The following MNX1 variants were observed in gnomAD, a reference collection of about 807,000 sequenced individuals.
MNX1 encodes motor neuron and pancreas homeobox 1.
In MNX1, 2 loss-of-function variants were observed where a neutral mutation model predicts 17.3. The observed-to-expected ratio is 0.12, with a 90% CI of 0.05 to 0.36. MNX1 has a LOEUF of 0.36. Among genes scored for constraint, MNX1 ranks in the 10% least tolerant of loss-of-function variants. The probability of loss-of-function intolerance (pLI) is 1.00; values close to 1 mark genes in which losing one functional copy is unlikely to be tolerated. For synonymous variants in MNX1, 306 were observed against 283.1 expected (o/e 1.08, Z -0.81); for missense variants, 556 against 564.7 (o/e 0.98, Z 0.16).
rs1450343979 is a variant in MNX1, at chr7:157,006,784, C to T, written c.692-145G>A. 2.5e-6 allele frequency: 2 copies of T among 802,002 alleles called. No homozygotes were observed. The highest frequency in any genetic ancestry group is 1.8e-5 in the African/African-American group (1 of 56,972). 49.7% of individuals were successfully genotyped at this position (802,002 alleles called of 1,614,324 possible). On this transcript the variant is annotated intron_variant, in intron 1 of 2. Transcript: ENST00000252971. The surrounding 1 kb of genome is among the most constrained non-coding windows in gnomAD (Gnocchi z 6.3). ...CGGGGCTGTTCCCTCACTATCAGTG[C>T]CCACTCCCCAAGGAATGCGGACTCA...
rs1805698716 is a variant in MNX1, at chr7:157,010,620, C to A, written c.-270G>T. On this transcript the variant is annotated 5_prime_UTR_variant, in exon 1 of 3. Transcript: ENST00000252971. ...GGGCCCGGGAGCCCGGTTCTTTGCG[C>A]TGCAGCCCTCAGGCGACCGCGCGGA... The A allele has an allele frequency of 1.1e-5, 3 of 263,310 alleles. No individual in the cohort carries two copies. The South Asian group carries it at 4.0e-4, about 35-fold the overall frequency. The allele number at this position is 263,310 out of a possible 1,614,324, so 16.3% of individuals were successfully genotyped here.
Position 157,006,466 on chromosome 7 carries a change from G to A in MNX1, c.852+13C>T. 6.2e-7 allele frequency: 1 copy of A among 1,607,932 alleles called. No homozygotes were observed. The highest frequency in any genetic ancestry group is 8.5e-7 in the Non-Finnish European group (1 of 1,178,456). On this transcript the variant is annotated intron_variant, in intron 2 of 2. Coordinates refer to ENST00000252971, the MANE Select transcript of MNX1 (RefSeq NM_005515.4). The surrounding 1 kb of genome is among the most constrained non-coding windows in gnomAD (Gnocchi z 6.3). Reference sequence around the variant, plus strand: ...GGAGGCCGGGATGCGTCGGGGGCGGGGAGGGCGCGCACCTGGGTCTCGGTG... The same window carrying A: ...GGAGGCCGGGATGCGTCGGGGGCGGAGAGGGCGCGCACCTGGGTCTCGGTG...
At chr7:157,009,492 G>C in intron 1 of MNX1, 168 bp downstream of exon 1, 1 of 1,439,318 alleles carries the variant, frequency 6.9e-7, no homozygotes, top group Admixed American at 2.8e-5. Flanking sequence ...CCCGTCTCAT[G>C]CCTGGGGGTC....
rs373662349 is a variant in MNX1, at chr7:157,006,853, A to ATTTTTTTTTTTTTTTTTTTTTT, written c.692-215_692-214insAAAAAAAAAAAAAAAAAAAAAA. ...GGATAGTTTGGAGTTAATGAGACCA[A>ATTTTTTTTTTTTTTTTTTTTTT]TTTTTTTTTTTTTTTTTGTCTAGGA... On this transcript the variant is annotated intron_variant, in intron 1 of 2. Transcript: ENST00000252971. This position sits in a 1 kb window ranked among gnomAD's most constrained non-coding sequence, Gnocchi z 6.3. The ATTTTTTTTTTTTTTTTTTTTTT allele has an allele frequency of 1.9e-5, 5 of 260,074 alleles. No individual in the cohort carries two copies. The highest frequency in any genetic ancestry group is 7.6e-5 in the African/African-American group (2 of 26,482). 16.1% of individuals were successfully genotyped at this position (260,074 alleles called of 1,614,324 possible).
chr7:157,005,871 C>T lies in MNX1; in HGVS notation c.855G>A (p.Val285=). 5 of 1,611,400 alleles carry T rather than the reference C, an allele frequency of 3.1e-6. No homozygotes were observed. In the South Asian group the frequency reaches 5.5e-5, roughly 18 times the overall value. Residue 285 remains valine (V), a splice_region_variant and synonymous_variant, in exon 3 of 3, where the codon GTG becomes GTA. Transcript: ENST00000252971. ...TCCGCCGGTTCTGGAACCAAATCTTCACCTGCGGGCACAAGCGGGCGTGAG... is the reference window on the plus strand; with the variant it reads ...TCCGCCGGTTCTGGAACCAAATCTTTACCTGCGGGCACAAGCGGGCGTGAG... The part of the protein sequence containing the change: ...ATSLMLTETQ[V]KIWFQNRRMK...
In MNX1 at chr7:157,006,277, G is replaced by A; in HGVS notation, c.852+202C>T. ...GATCACCTTCTTCAGAATGAAAGGA[G>A]GGGTGGTTAAGTGCTGATTCTTGGG... On this transcript the variant is annotated intron_variant, in intron 2 of 2. Transcript: ENST00000252971. The surrounding 1 kb of genome is among the most constrained non-coding windows in gnomAD (Gnocchi z 6.3). 2 of 605,546 alleles carry A rather than the reference G, an allele frequency of 3.3e-6. No homozygotes were observed. Among genetic ancestry groups the A allele is most frequent in the Non-Finnish European group, 5.8e-6 (2 of 344,920 alleles). 37.5% of individuals were successfully genotyped at this position (605,546 alleles called of 1,614,324 possible).
intron 2 of MNX1, 68 bp from the exon 3 acceptor site, chr7:157,005,941 C>T (rs1052507302): frequency 7.4e-5 from 117 of 1,582,130 alleles, no homozygotes; most frequent in Admixed American, 6.7e-5. Flanking sequence ...CCGGAGTCCC[C>T]CGGCCGCGTG....
chr7:157,005,655 C>G lies in MNX1; in HGVS notation c.1071G>C (p.Glu357Asp), dbSNP rs1270021309. The G allele has an allele frequency of 6.2e-7, 1 of 1,610,610 alleles. No homozygotes were observed. Among genetic ancestry groups the G allele is most frequent in the African/African-American group, 1.3e-5 (1 of 74,824 alleles). Residue 357 changes from glutamate (E) to aspartate (D), a missense_variant, in exon 3 of 3, where the codon GAG (glutamate) becomes GAC (aspartate). Transcript: ENST00000252971. ...CCTCGTCGTCCTCGTCCTCGTCCTC[C>G]TCGGGGTCACTGTCCCTCAAGTCCC... Reference protein sequence around the residue: ...RLRDLRDSDPEEDEDEDDEDH... With the variant: ...RLRDLRDSDPDEDEDEDDEDH...
chr7:157,005,932 C>T (rs1805589306), intron 2 of MNX1, 59 bp from the exon 3 acceptor site: 3 of 1,591,690 alleles, frequency 1.9e-6, no homozygotes, highest in Non-Finnish European at 2.6e-6. Context: ...TTCCTGTCCC[C>T]GGAGTCCCCC....
chr7:157,009,938 G>A lies in MNX1; in HGVS notation c.413C>T (p.Ala138Val). ...AAAAAAAGGL[A>V]LGLHPGGAQG... ...CGCGCCCCCAGGGTGCAGCCCCAGCGCCAGGCCCCCAGCGGCGGCGGCGGC... is the reference window on the plus strand; with the variant it reads ...CGCGCCCCCAGGGTGCAGCCCCAGCACCAGGCCCCCAGCGGCGGCGGCGGC... Residue 138 changes from alanine to valine, a missense_variant, in exon 1 of 3, where the codon GCG (alanine) becomes GTG (valine). Coordinates refer to ENST00000252971, the MANE Select transcript of MNX1 (RefSeq NM_005515.4). 2.8e-6 allele frequency: 3 copies of A among 1,053,310 alleles called. No homozygotes were observed. Among genetic ancestry groups the A allele is most frequent in the Non-Finnish European group, 3.4e-6 (3 of 872,730 alleles). The allele number at this position is 1,053,310 out of a possible 1,614,324, so 65.2% of individuals were successfully genotyped here.
Position 157,006,852 on chromosome 7 carries a change from AATT to A in MNX1, c.692-216_692-214del. 1 of 327,628 alleles carries A rather than the reference AATT, an allele frequency of 3.1e-6. No individual in the cohort carries two copies. Among genetic ancestry groups the A allele is most frequent in the Non-Finnish European group, 4.9e-6 (1 of 204,328 alleles). 20.3% of individuals were successfully genotyped at this position (327,628 alleles called of 1,614,324 possible). A position where few individuals can be genotyped will look rare whatever the true frequency, so the allele number is the denominator to read the frequency against. On this transcript the variant is annotated intron_variant, in intron 1 of 2. Coordinates refer to ENST00000252971, the MANE Select transcript of MNX1 (RefSeq NM_005515.4). The surrounding 1 kb of genome is among the most constrained non-coding windows in gnomAD (Gnocchi z 6.3). ...TGGATAGTTTGGAGTTAATGAGACC[AATT>A]TTTTTTTTTTTTTTTGTCTAGGAGA... is the stretch of plus-strand genomic sequence containing the variant.
In MNX1 at chr7:157,010,508, G is replaced by A. The variant is rs1805696288; in HGVS notation, c.-158C>T. ...GTCGCCGCCGGAAACTCAGCCGAGG[G>A]TGACCATGGTCCCGGCGCCTCCTCC... is the stretch of plus-strand genomic sequence containing the variant. On this transcript the variant is annotated 5_prime_UTR_variant, in exon 1 of 3. Coordinates refer to ENST00000252971, the MANE Select transcript of MNX1 (RefSeq NM_005515.4). 2.1e-6 allele frequency: 1 copy of A among 476,648 alleles called. No homozygotes were observed. Among genetic ancestry groups the A allele is most frequent in the Non-Finnish European group, 3.6e-6 (1 of 277,308 alleles). The allele number at this position is 476,648 out of a possible 1,614,324, so 29.5% of individuals were successfully genotyped here.
In MNX1 at chr7:157,005,608, C is replaced by T. The variant is rs773305633; in HGVS notation, c.1118G>A (p.Gly373Asp). The T allele has an allele frequency of 6.9e-6, 11 of 1,605,476 alleles. No individual in the cohort carries two copies. Among genetic ancestry groups the T allele is most frequent in the Non-Finnish European group, 8.5e-6 (10 of 1,177,314 alleles). ...DDEDHFPYSN[G>D]ASVHAASSDC... ...GGAGGAGGCGGCGTGGACGCTGGCG[C>T]CGTTGCTGTAGGGGAAATGGTCCTC... The change falls in exon 3 of 3, where the codon GGC becomes GAC. Residue 373 changes from glycine to aspartate, a missense_variant. By Grantham distance (94) the Gly-to-Asp change is moderately conservative (BLOSUM62 -1). Coordinates refer to ENST00000252971, the MANE Select transcript of MNX1 (RefSeq NM_005515.4).
Position 157,006,619 on chromosome 7 carries a change from G to A in MNX1, c.712C>T (p.Leu238=). The change falls in exon 2 of 3, where the codon CTG becomes TTG. Residue 238 remains leucine, a synonymous_variant. Coordinates refer to ENST00000252971, the MANE Select transcript of MNX1 (RefSeq NM_005515.4). This position sits in a 1 kb window ranked among gnomAD's most constrained non-coding sequence, Gnocchi z 6.3. ...GTGCGCGGCCGGCGGCACTTCCCCA[G>A]GAGGTTCGACTGCGCCTGGGCTGGG... is the stretch of plus-strand genomic sequence containing the variant. The part of the protein sequence containing the change: ...DFNSQAQSNL[L]GKCRRPRTAF... 6.3e-7 allele frequency: 1 copy of A among 1,599,444 alleles called. No homozygotes were observed. Among genetic ancestry groups the A allele is most frequent in the South Asian group, 1.1e-5 (1 of 88,258 alleles).
At position 157,006,462 on chromosome 7, in the gene MNX1, G is replaced by T. The variant is rs776257212; in HGVS notation, c.852+17C>A. On this transcript the variant is annotated intron_variant, in intron 2 of 2. Transcript: ENST00000252971. This position sits in a 1 kb window ranked among gnomAD's most constrained non-coding sequence, Gnocchi z 6.3. ...CCTGGGAGGCCGGGATGCGTCGGGG[G>T]CGGGGAGGGCGCGCACCTGGGTCTC... 5 of 1,606,992 alleles carry T rather than the reference G, an allele frequency of 3.1e-6. No homozygotes were observed. The highest frequency in any genetic ancestry group is 4.2e-6 in the Non-Finnish European group (5 of 1,178,170).
In MNX1 at chr7:157,006,384, C is replaced by G; in HGVS notation, c.852+95G>C. The G allele has an allele frequency of 7.2e-7, 1 of 1,385,390 alleles. No individual in the cohort carries two copies. Among genetic ancestry groups the G allele is most frequent in the Admixed American group, 2.2e-5 (1 of 45,770 alleles). The allele number at this position is 1,385,390 out of a possible 1,614,324, so 85.8% of individuals were successfully genotyped here. A position where few individuals can be genotyped will look rare whatever the true frequency, so the allele number is the denominator to read the frequency against. ...CGCCGTCTGAACCGTCGAGGCGCAG[C>G]GCTAGATGCCTCAGACCGCCCGTGG... On this transcript the variant is annotated intron_variant, in intron 2 of 2. Coordinates refer to ENST00000252971, the MANE Select transcript of MNX1 (RefSeq NM_005515.4). The surrounding 1 kb of genome is among the most constrained non-coding windows in gnomAD (Gnocchi z 6.3).
Position 157,009,867 on chromosome 7 carries a change from G to C in MNX1, c.484C>G (p.Pro162Ala), listed in dbSNP as rs1464043998. The change falls in exon 1 of 3, where the codon CCG becomes GCG. Residue 162 changes from proline (P) to alanine (A), a missense_variant. Transcript: ENST00000252971. Reference protein sequence around the residue: ...LPAQAALYGHPVYGYSAAAAA... With the variant: ...LPAQAALYGHAVYGYSAAAAA... ...GCCGCCGCGGAGTAGCCGTAGACCG[G>C]GTGGCCGTAGAGCGCCGCCTGCGCC... is the stretch of plus-strand genomic sequence containing the variant. 6 of 1,479,910 alleles carry C rather than the reference G, an allele frequency of 4.1e-6. No individual in the cohort carries two copies. Among genetic ancestry groups the C allele is most frequent in the Non-Finnish European group, 4.5e-6 (5 of 1,123,012 alleles). The allele number at this position is 1,479,910 out of a possible 1,614,324, so 91.7% of individuals were successfully genotyped here. A position where few individuals can be genotyped will look rare whatever the true frequency, so the allele number is the denominator to read the frequency against.
chr7:157,005,595 G>A lies in MNX1; in HGVS notation c.1131C>T (p.His377=). Residue 377 remains histidine, a synonymous_variant, in exon 3 of 3, where the codon CAC becomes CAT. Transcript: ENST00000252971. The part of the protein sequence containing the change: ...HFPYSNGASV[H]AASSDCSSED... ...CCGAGGAGCAGTCGGAGGAGGCGGC[G>A]TGGACGCTGGCGCCGTTGCTGTAGG... The A allele has an allele frequency of 1.9e-6, 3 of 1,600,920 alleles. No individual in the cohort carries two copies. Among genetic ancestry groups the A allele is most frequent in the East Asian group, 2.3e-5 (1 of 44,008 alleles).
Position 157,005,654 on chromosome 7 carries a change from C to T in MNX1, c.1072G>A (p.Glu358Lys), listed in dbSNP as rs763970676. 21 of 1,610,574 alleles carry T rather than the reference C, an allele frequency of 1.3e-5. No individual in the cohort carries two copies. The highest frequency in any genetic ancestry group is 1.7e-5 in the Non-Finnish European group (20 of 1,179,242). The change falls in exon 3 of 3, where the codon GAG becomes AAG. Residue 358 changes from glutamate to lysine, a missense_variant. By Grantham distance (56) the Glu-to-Lys change is moderately conservative (BLOSUM62 1). This residue lies in a region of MNX1 where 178 missense variants were observed against 155.2 expected (regional missense o/e 1.15). Transcript: ENST00000252971. ...LRDLRDSDPE[E>K]DEDEDDEDHF... ...TCCTCGTCGTCCTCGTCCTCGTCCT[C>T]CTCGGGGTCACTGTCCCTCAAGTCC...
Sources: allele counts gnomAD v4.1 joint callset, GRCh38; gene constraint gnomAD v4.1.1; regional missense constraint gnomAD v4.1.1; non-coding constraint Gnocchi (gnomAD v3.1); transcripts MANE v1.5; gene names NCBI Gene and HGNC (gene_info 2026-07-23, HGNC 2026-07-21).